ZNF782: variants seen among roughly 807,000 people sequenced by gnomAD.
ZNF782 encodes zinc finger protein 782.
In ZNF782, 12 loss-of-function variants were observed where a neutral mutation model predicts 13.0. That is an observed-to-expected ratio of 0.92 (90% confidence interval 0.59 to 1.50). ZNF782 has a LOEUF of 1.50. Ranked by LOEUF, ZNF782 falls within the 40% of genes most tolerant of loss-of-function variation. The pLI is 0.00. For missense variants in ZNF782, 770 were observed against 822.9 expected (o/e 0.94, Z 0.79); for synonymous variants, 284 against 283.0 (o/e 1.00, Z -0.04).
intron 5 of ZNF782, among the ~76,000 whole-genome samples, chr9:96,821,120 T>C (rs536491352): frequency 3.6e-4 from 55 of 152,320 alleles, no homozygotes; most frequent in East Asian, 1.9e-4. Context: ...CCGCATTCCA[T>C]GCAAAAATGT....
the ZNF782 span, among the ~76,000 whole-genome samples, chr9:96,884,616 C>G: frequency 2.0e-5 from 3 of 151,998 alleles, no homozygotes; most frequent in Non-Finnish European, 2.9e-5. Context: ...TAGTCACACT[C>G]AGAGGCAACA....
chr9:96,890,591 A>G, the ZNF782 span: 1 of 152,288 alleles, frequency 6.6e-6, no homozygotes, highest in African/African-American at 2.4e-5. Flanking sequence ...GACTGAAAAG[A>G]ATCATTGGGA....
chr9:96,821,031 A>T (rs1264068657), intron 5 of ZNF782, among the ~76,000 whole-genome samples: 1 of 152,234 alleles, frequency 6.6e-6, no homozygotes, highest in African/African-American at 2.4e-5. Flanking sequence ...ACCTGGACTT[A>T]GAAACTTTAC....
chr9:96,837,527 A>G (rs959471586), intron 4 of ZNF782, among the ~76,000 whole-genome samples: 6 of 151,728 alleles, frequency 4.0e-5, no homozygotes, highest in Non-Finnish European at 7.4e-5. Context: ...CTATTCTTTC[A>G]TTATCTCTCT....
chr9:96,850,347 T>C lies in ZNF782; in HGVS notation c.15+1600A>G, dbSNP rs146506308. Among the ~76,000 whole-genome samples the C allele has an allele frequency of 2.6e-4, 39 of 152,320 alleles. 1 individual carries two copies. The South Asian group carries it at 7.9e-3, about 31-fold the overall frequency. On this transcript the variant is annotated intron_variant, in intron 3 of 5. Transcript: ENST00000481138. This position sits in a 1 kb window ranked among gnomAD's most constrained non-coding sequence, Gnocchi z 4.3. ...ATAAAAAGGAATGAAATAATGTCTT[T>C]TGCAGCAACTTGGATGGAGCTGGAG...
At chr9:96,851,348 C>T (rs1279781447) in intron 3 of ZNF782, among the ~76,000 whole-genome samples, 1 of 152,084 alleles carries the variant, frequency 6.6e-6, no homozygotes, top group Non-Finnish European at 1.5e-5. Context: ...AAAAAGTCTT[C>T]GCAAGGTCCA....
chr9:96,888,409 T>G, the ZNF782 span: 1 of 152,234 alleles, frequency 6.6e-6, no homozygotes, highest in South Asian at 2.1e-4. Context: ...CCAAAACCAA[T>G]AAAGCTGAAA....
the ZNF782 span, among the ~76,000 whole-genome samples, chr9:96,884,067 A>G: frequency 6.6e-6 from 1 of 152,146 alleles, no homozygotes; most frequent in African/African-American, 2.4e-5. Context: ...ACTACCCTCT[A>G]CCCTGTGGAA....
chr9:96,900,635 G>A, the ZNF782 span, among the ~76,000 whole-genome samples: 1 of 151,788 alleles, frequency 6.6e-6, no homozygotes, highest in Non-Finnish European at 1.5e-5. Flanking sequence ...CAGCTACTCG[G>A]GAGGCTGAGA....
chr9:96,878,204 A>C (rs1425296282), upstream of ZNF782, among the ~76,000 whole-genome samples: 1 of 151,858 alleles, frequency 6.6e-6, no homozygotes, highest in Non-Finnish European at 1.5e-5. Context: ...GCGCGCCACC[A>C]CGCCCGGCTA....
At chr9:96,825,285 G>C (rs1850578970) in intron 5 of ZNF782, among the ~76,000 whole-genome samples, 1 of 147,784 alleles carries the variant, frequency 6.8e-6, no homozygotes, top group Admixed American at 6.7e-5. Flanking sequence ...TGACAAACCT[G>C]AGAAAAACAA....
At chr9:96,904,056 A>G in the ZNF782 span, among the ~76,000 whole-genome samples, 2 of 148,948 alleles carry the variant, frequency 1.3e-5, no homozygotes, top group South Asian at 4.3e-4. Flanking sequence ...CAGTTTTTCT[A>G]TTTTAGCTGA....
upstream of ZNF782, among the ~76,000 whole-genome samples, chr9:96,879,493 A>G (rs533354191): frequency 6.6e-6 from 1 of 152,250 alleles, no homozygotes; most frequent in East Asian, 1.9e-4. Flanking sequence ...ACAGAGCAAG[A>G]CTCCGTCTCA....
intron 4 of ZNF782, among the ~76,000 whole-genome samples, chr9:96,835,799 C>A (rs938321838): frequency 6.6e-6 from 1 of 152,218 alleles, no homozygotes; most frequent in Admixed American, 6.5e-5. Context: ...CAGGCAGAGA[C>A]TTGTTGCAGG....
At chr9:96,893,435 ATAAAC>A in the ZNF782 span, 1 of 152,254 alleles carries the variant, frequency 6.6e-6, no homozygotes, top group African/African-American at 2.4e-5. Flanking sequence ...TGGTGGGACT[ATAAAC>A]TAGTTCAACC....
chr9:96,920,315 G>T, the ZNF782 span, among the ~76,000 whole-genome samples: 1 of 146,664 alleles, frequency 6.8e-6, no homozygotes, highest in African/African-American at 2.5e-5. Flanking sequence ...TGCCCAGGCT[G>T]GAGTGCAGGG....
intron 1 of ZNF782, among the ~76,000 whole-genome samples, chr9:96,867,286 T>C (rs1447171071): frequency 6.6e-6 from 1 of 152,092 alleles, no homozygotes; most frequent in Admixed American, 6.5e-5. Flanking sequence ...AGTGAATAAG[T>C]CTCATGAGAT....
chr9:96,872,421 C>T (rs1851839127), intron 1 of ZNF782, among the ~76,000 whole-genome samples: 1 of 151,862 alleles, frequency 6.6e-6, no homozygotes, highest in African/African-American at 2.4e-5. Context: ...ATCCCAGCTA[C>T]TTTGGAGGCT....
intron 4 of ZNF782, among the ~76,000 whole-genome samples, chr9:96,844,243 C>G (rs774841706): frequency 2.6e-5 from 4 of 152,136 alleles, no homozygotes; most frequent in Admixed American, 6.5e-5. Flanking sequence ...CTCCTAGGTA[C>G]TTATACAAGA....
Sources: allele counts gnomAD v4.1 joint callset (sites outside exome capture counted in the v4.1 genomes callset), GRCh38; gene constraint gnomAD v4.1.1; non-coding constraint Gnocchi (gnomAD v3.1); transcripts MANE v1.5; gene names NCBI Gene and HGNC (gene_info 2026-07-23, HGNC 2026-07-21).